Variants in KCNN2 observed in about 807,000 individuals in gnomAD.
The protein encoded by KCNN2 is potassium calcium-activated channel subfamily N member 2, also known as small conductance calcium-activated potassium channel protein 2.
Under a neutral mutation model 55.5 loss-of-function variants are expected in KCNN2, and 24 were observed. The observed-to-expected ratio is 0.43, with a 90% CI of 0.31 to 0.61. KCNN2 has a LOEUF of 0.61. Ranked by LOEUF, KCNN2 falls within the 20% of genes least tolerant of loss-of-function variation. The pLI, the probability that KCNN2 is intolerant of heterozygous loss-of-function variation, is 0.08. For synonymous variants in KCNN2, 431 were observed against 336.1 expected (o/e 1.28, Z -3.09); for missense variants, 754 against 853.6 (o/e 0.88, Z 1.45).
chr5:114,403,323 A>G (rs1009843251), intron 2 of KCNN2, among the ~76,000 whole-genome samples: 1 of 152,186 alleles, frequency 6.6e-6, no homozygotes, highest in Non-Finnish European at 1.5e-5. Context: ...GGATAATAAC[A>G]TTTTTGGTAA....
chr5:114,327,110 C>T (rs1054527094), intron 2 of KCNN2, among the ~76,000 whole-genome samples: 4 of 152,164 alleles, frequency 2.6e-5, no homozygotes, highest in African/African-American at 9.7e-5. Context: ...AATAAAATGT[C>T]ACATTTTCCC....
chr5:114,088,311 T>C (rs1011997234), intron 1 of KCNN2, among the ~76,000 whole-genome samples: 3 of 151,980 alleles, frequency 2.0e-5, no homozygotes, highest in African/African-American at 7.2e-5. Context: ...TTTTTCATCA[T>C]TTATTCTCAA....
At chr5:114,467,018 T>A (rs145959354) in intron 4 of KCNN2, among the ~76,000 whole-genome samples, 1 of 152,216 alleles carries the variant, frequency 6.6e-6, no homozygotes, top group Admixed American at 6.5e-5. Context: ...CAGAAGCCTT[T>A]ACACAGCCTT....
chr5:114,122,252 T>G (rs918172015), intron 1 of KCNN2, among the ~76,000 whole-genome samples: 1 of 152,132 alleles, frequency 6.6e-6, no homozygotes, highest in Non-Finnish European at 1.5e-5. Flanking sequence ...GCCATGGCAT[T>G]GTGAGTAATA....
intron 6 of KCNN2, among the ~76,000 whole-genome samples, chr5:114,489,833 C>G (rs146679006): frequency 2.5e-3 from 376 of 152,284 alleles, no homozygotes; most frequent in Non-Finnish European, 4.2e-3. Context: ...TCTGTCGGCA[C>G]TGGGTACAAT....
chr5:114,147,502 A>G (rs1055701036), intron 1 of KCNN2, among the ~76,000 whole-genome samples: 2 of 152,204 alleles, frequency 1.3e-5, no homozygotes, highest in Admixed American at 1.3e-4. Flanking sequence ...CAAGAGAATC[A>G]TTTTGTACTA....
intron 2 of KCNN2, among the ~76,000 whole-genome samples, chr5:114,289,912 C>A (rs187114828): frequency 6.6e-6 from 1 of 152,124 alleles, no homozygotes; most frequent in East Asian, 1.9e-4. Context: ...GCATTTTATT[C>A]TTTTGGGTAC....
intron 3 of KCNN2, among the ~76,000 whole-genome samples, chr5:114,434,669 G>C (rs1436556747): frequency 6.6e-6 from 1 of 152,130 alleles, no homozygotes; most frequent in Non-Finnish European, 1.5e-5. Flanking sequence ...TCTGTAGTCC[G>C]GTGATTAGTT....
At chr5:114,465,154 C>T (rs1761382054) in intron 4 of KCNN2, among the ~76,000 whole-genome samples, 1 of 152,120 alleles carries the variant, frequency 6.6e-6, no homozygotes, top group Admixed American at 6.6e-5. Flanking sequence ...TTGAGGTTAA[C>T]CTTGCCTGGG....
intron 2 of KCNN2, among the ~76,000 whole-genome samples, chr5:114,239,671 A>G (rs902773389): frequency 3.3e-5 from 5 of 152,230 alleles, no homozygotes; most frequent in Admixed American, 3.3e-4. Flanking sequence ...GTGGTTACTC[A>G]CATTCATGTT....
rs1191565332 is a variant in KCNN2 at position 114,160,782 on chromosome 5, CTTTGTTGGTTTAAAGTCTGTTTTATCA to C, written c.-270-60697_-270-60671del. Among the ~76,000 whole-genome samples the C allele has an allele frequency of 7.5e-3, 1,141 of 152,174 alleles. 14 individuals carry two copies. Among genetic ancestry groups the C allele is most frequent in the African/African-American group, 0.026 (1,075 of 41,498 alleles). On this transcript the variant is annotated intron_variant, in intron 1 of 10. Transcript: ENST00000512097. ...AATGGCCTTCTTTGTCTCTTTTGATCTTTGTTGGTTTAAAGTCTGTTTTATCAGAGACTAGGATTGCAACCCCTGCCT... is the reference window on the plus strand; with the variant it reads ...AATGGCCTTCTTTGTCTCTTTTGATCGAGACTAGGATTGCAACCCCTGCCT...
intron 2 of KCNN2, among the ~76,000 whole-genome samples, chr5:114,337,015 T>C (rs1277316174): frequency 2.0e-5 from 3 of 152,120 alleles, no homozygotes; most frequent in African/African-American, 7.2e-5. Flanking sequence ...TATGATCTGA[T>C]TTTTGATATT....
chr5:114,322,348 A>G (rs1756629541), intron 2 of KCNN2, among the ~76,000 whole-genome samples: 1 of 152,198 alleles, frequency 6.6e-6, no homozygotes, highest in Non-Finnish European at 1.5e-5. Context: ...ATCTTTGACT[A>G]AAAACTAGGA....
chr5:114,281,247 T>A (rs1755617507), intron 2 of KCNN2, among the ~76,000 whole-genome samples: 1 of 152,144 alleles, frequency 6.6e-6, no homozygotes, highest in Non-Finnish European at 1.5e-5. Context: ...TTGTTTGTAT[T>A]TTGCAGGTTT....
At chr5:114,387,385 A>G (rs1261911843) in intron 2 of KCNN2, among the ~76,000 whole-genome samples, 1 of 152,216 alleles carries the variant, frequency 6.6e-6, no homozygotes, top group Non-Finnish European at 1.5e-5. Context: ...ATGTTTTAAA[A>G]AGGAAGTTTT....
At chr5:114,160,263 G>A (rs114228061) in intron 1 of KCNN2, among the ~76,000 whole-genome samples, 2,728 of 152,038 alleles carry the variant, frequency 0.018, 77 homozygotes, top group African/African-American at 0.061. Flanking sequence ...CATTATGTAC[G>A]CCATAGTCGT....
intron 1 of KCNN2, among the ~76,000 whole-genome samples, chr5:114,067,534 C>G (rs563619257): frequency 3.3e-5 from 5 of 152,020 alleles, no homozygotes; most frequent in Admixed American, 2.0e-4. Context: ...TTTTAAATAC[C>G]TATCATAGCT....
At chr5:114,202,673 T>G (rs913855784) in intron 1 of KCNN2, among the ~76,000 whole-genome samples, 1 of 146,740 alleles carries the variant, frequency 6.8e-6, no homozygotes, top group Non-Finnish European at 1.5e-5. Context: ...TGCAAGCTCC[T>G]CCTCCCGGGT....
rs148354702 is a variant in KCNN2 at position 114,207,330 on chromosome 5, C to T, written c.-270-14150C>T. Among the ~76,000 whole-genome samples the T allele has an allele frequency of 3.4e-3, 514 of 152,282 alleles. 5 individuals are homozygous for T. The highest frequency in any genetic ancestry group is 4.5e-3 in the Non-Finnish European group (309 of 68,012). ...GAATAAACTGTACCTTGGACAAAAT[C>T]TTATCCTTCTGAGATGCAGTCTCCT... On this transcript the variant is annotated intron_variant, in intron 1 of 10. Coordinates refer to the KCNN2 transcript ENST00000512097.
Sources: gnomAD v4.1 joint callset for allele counts (sites outside exome capture counted in the v4.1 genomes callset) on GRCh38, gnomAD v4.1.1 for gene constraint, MANE v1.5 for transcripts, NCBI Gene and HGNC (gene_info 2026-07-23, HGNC 2026-07-21) for gene names.